Variants in SH3RF3 observed in about 807,000 individuals in gnomAD.
SH3RF3 encodes the protein SH3 domain containing ring finger 3.
SH3RF3 carries 29 observed loss-of-function variants against 66.3 expected under a neutral mutation model. That is an observed-to-expected ratio of 0.44 (90% confidence interval 0.33 to 0.60). SH3RF3 has a LOEUF of 0.60. Ranked by LOEUF, SH3RF3 falls within the 20% of genes least tolerant of loss-of-function variation. The probability of loss-of-function intolerance (pLI) is 0.04; values close to 1 mark genes in which losing one functional copy is unlikely to be tolerated. For missense variants in SH3RF3, 1,194 were observed against 1,190.9 expected (o/e 1.00, Z -0.04); for synonymous variants, 583 against 532.0 (o/e 1.10, Z -1.32).
chr2:109,361,699 C>G (rs1023631993), intron 2 of SH3RF3, among the ~76,000 whole-genome samples: 19 of 152,168 alleles, frequency 1.2e-4, no homozygotes, highest in African/African-American at 4.3e-4. Context: ...TGGTCTTGAA[C>G]TCCTGACTTC....
chr2:109,244,890 G>A (rs1415387354), intron 1 of SH3RF3, among the ~76,000 whole-genome samples: 1 of 152,236 alleles, frequency 6.6e-6, no homozygotes. Flanking sequence ...TCTGCAGGGT[G>A]TGGACACAAG....
At chr2:109,375,815 A>G (rs541601254) in intron 3 of SH3RF3, among the ~76,000 whole-genome samples, 1 of 152,354 alleles carries the variant, frequency 6.6e-6, no homozygotes, top group Admixed American at 6.5e-5. Context: ...GCTGTTGAGA[A>G]CAGGGCCCAT....
At chr2:109,199,588 GGA>G (rs1678603621) in intron 1 of SH3RF3, among the ~76,000 whole-genome samples, 8 of 512 alleles carry the variant, frequency 0.016, no homozygotes, top group East Asian at 0.1. Context: ...GGAATGGAAT[GGA>G]ATGGAATGGA....
intron 8 of SH3RF3, among the ~76,000 whole-genome samples, chr2:109,462,071 A>G (rs1305623852): frequency 6.6e-6 from 1 of 151,512 alleles, no homozygotes; most frequent in Non-Finnish European, 1.5e-5. Flanking sequence ...ATTTTAATTC[A>G]ATTTATTTCC....
At chr2:109,381,612 A>C (rs1183587217) in intron 3 of SH3RF3, among the ~76,000 whole-genome samples, 1 of 151,888 alleles carries the variant, frequency 6.6e-6, no homozygotes, top group Non-Finnish European at 1.5e-5. Context: ...CTGCTTGAGT[A>C]AGTTAGGCTG....
chr2:109,490,949 G>T lies in SH3RF3; in HGVS notation c.2480+13G>T. ...TGCCCAGAGAGAGGTAAGTGCAGGG[G>T]CTTGTCTGCTCTGTGGCATGCTGTG... is the stretch of plus-strand genomic sequence containing the variant. On this transcript the variant is annotated intron_variant, in intron 9 of 9. Coordinates refer to ENST00000309415, the MANE Select transcript of SH3RF3 (RefSeq NM_001099289.3). The T allele has an allele frequency of 1.4e-6, 2 of 1,468,082 alleles. No individual in the cohort carries two copies. The highest frequency in any genetic ancestry group is 1.8e-6 in the Non-Finnish European group (2 of 1,108,274). The allele number at this position is 1,468,082 out of a possible 1,614,324, so 90.9% of individuals were successfully genotyped here.
At chr2:109,289,079 G>C (rs1211556712) in intron 1 of SH3RF3, among the ~76,000 whole-genome samples, 1 of 152,174 alleles carries the variant, frequency 6.6e-6, no homozygotes, top group African/African-American at 2.4e-5. Context: ...AATTATAACT[G>C]AGGAGCTGGC....
At chr2:109,210,475 T>C (rs1160884163) in intron 1 of SH3RF3, among the ~76,000 whole-genome samples, 1 of 152,234 alleles carries the variant, frequency 6.6e-6, no homozygotes, top group Non-Finnish European at 1.5e-5. Flanking sequence ...TGGAGACTGC[T>C]GGAGCTGCAT....
chr2:109,151,084 C>T lies in SH3RF3; in HGVS notation c.573+20971C>T, dbSNP rs527728605. 5.6e-4 allele frequency among the ~76,000 whole-genome samples: 85 copies of T among 152,314 alleles called. 1 individual carries two copies. The South Asian group carries it at 0.017, about 30-fold the overall frequency. ...GCATCATTGCACAAAAGCCAACAGC[C>T]ACACCAATGTATTTGCCCTGCATTT... On this transcript the variant is annotated intron_variant, in intron 1 of 9. Transcript: ENST00000309415.
chr2:109,296,073 C>A (rs1681299060), intron 1 of SH3RF3, among the ~76,000 whole-genome samples: 1 of 152,122 alleles, frequency 6.6e-6, no homozygotes, highest in African/African-American at 2.4e-5. Context: ...CTTCCCTGCC[C>A]CAGCCAGGTT....
intron 1 of SH3RF3, among the ~76,000 whole-genome samples, chr2:109,329,758 C>G (rs1682242059): frequency 6.6e-6 from 1 of 152,206 alleles, no homozygotes; most frequent in African/African-American, 2.4e-5. Flanking sequence ...ACAAAGGAGG[C>G]TGGAGATGCC....
At chr2:109,254,428 A>C (rs1213631488) in intron 1 of SH3RF3, among the ~76,000 whole-genome samples, 3 of 152,096 alleles carry the variant, frequency 2.0e-5, no homozygotes, top group East Asian at 1.9e-4. Flanking sequence ...GGGGAGGTTA[A>C]ATGGATTAAT....
chr2:109,199,203 C>CA (rs1304580694), intron 1 of SH3RF3, among the ~76,000 whole-genome samples: 1 of 151,726 alleles, frequency 6.6e-6, no homozygotes, highest in Non-Finnish European at 1.5e-5. Flanking sequence ...ACGAAAAATA[C>CA]AAAAAATTAG....
intron 9 of SH3RF3, among the ~76,000 whole-genome samples, chr2:109,494,406 A>G (rs376498599): frequency 6.6e-6 from 1 of 152,148 alleles, no homozygotes; most frequent in Admixed American, 6.5e-5. Flanking sequence ...TCCCCTCAAC[A>G]TGGTAGCCAC....
At chr2:109,206,642 C>G (rs928783020) in intron 1 of SH3RF3, among the ~76,000 whole-genome samples, 3 of 151,704 alleles carry the variant, frequency 2.0e-5, no homozygotes, top group African/African-American at 7.3e-5. Context: ...GACCCTGTCT[C>G]TACAAAAAAA....
At chr2:109,253,905 T>C (rs745650470) in intron 1 of SH3RF3, among the ~76,000 whole-genome samples, 28 of 152,126 alleles carry the variant, frequency 1.8e-4, no homozygotes, top group Non-Finnish European at 1.0e-4. Flanking sequence ...TTCTTCTTTC[T>C]AAAAGCATGG....
intron 8 of SH3RF3, among the ~76,000 whole-genome samples, chr2:109,452,833 A>G (rs1159175632): frequency 6.1e-5 from 8 of 130,490 alleles, no homozygotes; most frequent in East Asian, 4.6e-4. Context: ...GGCTGGTGCC[A>G]GGAGGCTGGT....
chr2:109,255,048 C>T (rs879181241), intron 1 of SH3RF3, among the ~76,000 whole-genome samples: 29 of 152,144 alleles, frequency 1.9e-4, no homozygotes, highest in Admixed American at 2.6e-4. Context: ...ACTGTACAAG[C>T]CTGCAGTCCT....
chr2:109,174,701 T>C (rs1169107926), intron 1 of SH3RF3, among the ~76,000 whole-genome samples: 5 of 152,250 alleles, frequency 3.3e-5, no homozygotes, highest in Non-Finnish European at 7.3e-5. Context: ...ATAGGGCACA[T>C]GCACTGAGGT....
Sources: gnomAD v4.1 joint callset for allele counts (sites outside exome capture counted in the v4.1 genomes callset) on GRCh38, gnomAD v4.1.1 for gene constraint, MANE v1.5 for transcripts, NCBI Gene and HGNC (gene_info 2026-07-23, HGNC 2026-07-21) for gene names.